Variants in LMX1B observed in about 807,000 individuals in gnomAD.
The protein encoded by LMX1B is LIM homeobox transcription factor 1 beta.
Under a neutral mutation model 51.4 loss-of-function variants are expected in LMX1B, and 12 were observed. The ratio of observed to expected loss-of-function variants is 0.23; its 90% CI spans 0.15 to 0.38. The LOEUF (loss-of-function observed/expected upper bound fraction) is 0.38, where lower values mean the gene tolerates loss of function less well. LMX1B is among the 10% of genes least tolerant of loss of function. The pLI is 1.00. For synonymous variants in LMX1B, 237 were observed against 235.4 expected, an observed-to-expected ratio of 1.01 and a Z score of -0.06; for missense variants, 445 against 571.1, an observed-to-expected ratio of 0.78 and a Z score of 2.25.
At chr9:126,684,813 G>A (rs1296476326) in intron 2 of LMX1B, among the ~76,000 whole-genome samples, 1 of 152,296 alleles carries the variant, frequency 6.6e-6, no homozygotes, top group East Asian at 1.9e-4. Context: ...TCCCAGCCCT[G>A]CAGGAGGCAT....
chr9:126,620,435 C>A (rs1054412076), intron 2 of LMX1B, among the ~76,000 whole-genome samples: 1 of 152,134 alleles, frequency 6.6e-6, no homozygotes, highest in Non-Finnish European at 1.5e-5. Context: ...TACACAGGCA[C>A]CTGGTGGAAC....
rs1231115924 is a variant in LMX1B at position 126,697,984 on chromosome 9, T to A, written c.*1533T>A. The A allele has an allele frequency of 1.3e-5, 2 of 153,160 alleles. No individual in the cohort carries two copies. Among genetic ancestry groups the A allele is most frequent in the Admixed American group, 1.3e-4 (2 of 15,296 alleles). 9.5% of individuals were successfully genotyped at this position (153,160 alleles called of 1,614,324 possible). On this transcript the variant is annotated 3_prime_UTR_variant, in exon 8 of 8. Coordinates refer to ENST00000373474, the MANE Select transcript of LMX1B (RefSeq NM_001174147.2). The stretch of plus-strand genomic sequence containing the variant: ...TCCGCCTCCCAGGTTCAAGTGATTC[T>A]GATGCCTCAGCCTCCCTAGTAGCTG...
At chr9:126,681,492 C>T (rs576026991) in intron 2 of LMX1B, among the ~76,000 whole-genome samples, 1 of 152,254 alleles carries the variant, frequency 6.6e-6, no homozygotes, top group Admixed American at 6.5e-5. Context: ...ACAAGGCTTC[C>T]CCTGCCCTCC....
chr9:126,625,132 A>C lies in LMX1B; in HGVS notation c.326+9563A>C, dbSNP rs977135942. On this transcript the variant is annotated intron_variant, in intron 2 of 7. Coordinates refer to ENST00000373474, the MANE Select transcript of LMX1B (RefSeq NM_001174147.2). This position sits in a 1 kb window ranked among gnomAD's most constrained non-coding sequence, Gnocchi z 5.3. ...CTTATTCATGTCAAGCACAGAAAAG[A>C]AGCCGAGCACCTTACAACCGTGTCC... 2.0e-5 allele frequency among the ~76,000 whole-genome samples: 3 copies of C among 152,184 alleles called. No homozygotes were observed. The highest frequency in any genetic ancestry group is 4.4e-5 in the Non-Finnish European group (3 of 68,042).
chr9:126,687,912 C>A (rs2029967394), intron 2 of LMX1B, among the ~76,000 whole-genome samples: 1 of 152,116 alleles, frequency 6.6e-6, no homozygotes, highest in African/African-American at 2.4e-5. Context: ...AGAGGGAACC[C>A]CGCTGGTATC....
chr9:126,624,026 G>A (rs1835471865), intron 2 of LMX1B, among the ~76,000 whole-genome samples: 1 of 152,230 alleles, frequency 6.6e-6, no homozygotes, highest in South Asian at 2.1e-4. Flanking sequence ...ATGAATTTCG[G>A]TGTCACCAGG....
intron 3 of LMX1B, 84 bp downstream of exon 3, chr9:126,691,152 C>T: frequency 2.0e-6 from 2 of 1,021,440 alleles, no homozygotes; most frequent in South Asian, 1.4e-5. Flanking sequence ...CTGGAGAAGC[C>T]ACCTCCTGCT....
intron 2 of LMX1B, among the ~76,000 whole-genome samples, chr9:126,679,316 G>T (rs903972480): frequency 2.0e-5 from 3 of 152,042 alleles, no homozygotes; most frequent in Non-Finnish European, 4.4e-5. Flanking sequence ...GATAGCTGGT[G>T]GAGAGGGTGG....
At chr9:126,686,165 A>G (rs903855956) in intron 2 of LMX1B, among the ~76,000 whole-genome samples, 1 of 151,706 alleles carries the variant, frequency 6.6e-6, no homozygotes, top group African/African-American at 2.4e-5. Flanking sequence ...CTATAGTCCC[A>G]GCTACTCGGG....
At chr9:126,676,656 A>T (rs1444814809) in intron 2 of LMX1B, among the ~76,000 whole-genome samples, 1 of 152,154 alleles carries the variant, frequency 6.6e-6, no homozygotes, top group East Asian at 1.9e-4. Context: ...TCCATGACCA[A>T]ACTGGGTGTA....
intron 2 of LMX1B, among the ~76,000 whole-genome samples, chr9:126,634,837 C>T (rs968273812): frequency 1.1e-4 from 16 of 152,044 alleles, no homozygotes; most frequent in African/African-American, 2.9e-4. Flanking sequence ...TTTGGAGTCA[C>T]GAAAGGGGAG....
chr9:126,653,681 A>G (rs1015084880), intron 2 of LMX1B, among the ~76,000 whole-genome samples: 2 of 152,036 alleles, frequency 1.3e-5, no homozygotes, highest in Admixed American at 1.3e-4. Context: ...TCACATGCGA[A>G]CGTTCCCGGA....
intron 2 of LMX1B, among the ~76,000 whole-genome samples, chr9:126,657,255 ACTGT>A (rs1471403557): frequency 6.6e-6 from 1 of 152,242 alleles, no homozygotes; most frequent in Non-Finnish European, 1.5e-5. Context: ...TGAACATAAG[ACTGT>A]CTGATGGTGA....
intron 2 of LMX1B, among the ~76,000 whole-genome samples, chr9:126,648,398 C>T (rs1835942459): frequency 6.6e-6 from 1 of 152,178 alleles, no homozygotes; most frequent in South Asian, 2.1e-4. Context: ...GAGAACCAGG[C>T]CAGGCTCTGT....
At chr9:126,657,598 C>T (rs558287370) in intron 2 of LMX1B, among the ~76,000 whole-genome samples, 2 of 152,334 alleles carry the variant, frequency 1.3e-5, no homozygotes, top group Admixed American at 6.5e-5. Flanking sequence ...TGGGCATCCT[C>T]ACCACAGAGC....
intron 3 of LMX1B, among the ~76,000 whole-genome samples, chr9:126,692,539 G>A (rs182054061): frequency 9.8e-5 from 15 of 152,376 alleles, no homozygotes; most frequent in Admixed American, 9.1e-4. Context: ...CTGCCCGTGA[G>A]CATGGGCCCA....
chr9:126,658,238 G>A lies in LMX1B; in HGVS notation c.327-32598G>A, dbSNP rs993654676. ...GCAGGAGGGGGGTGAGTCTACAAAG[G>A]GTACCAAATGTCAGGCTTGGGGTTT... On this transcript the variant is annotated intron_variant, in intron 2 of 7. Coordinates refer to ENST00000373474, the MANE Select transcript of LMX1B (RefSeq NM_001174147.2). The surrounding 1 kb of genome is among the most constrained non-coding windows in gnomAD (Gnocchi z 4.0). Among the ~76,000 whole-genome samples, 2 of 152,064 alleles carry A rather than the reference G, an allele frequency of 1.3e-5. No individual in the cohort carries two copies. Among genetic ancestry groups the A allele is most frequent in the Non-Finnish European group, 2.9e-5 (2 of 67,994 alleles).
chr9:126,615,782 C>G lies in LMX1B; in HGVS notation c.326+213C>G, dbSNP rs1449880315. On this transcript the variant is annotated intron_variant, in intron 2 of 7. Coordinates refer to ENST00000373474, the MANE Select transcript of LMX1B (RefSeq NM_001174147.2). This position sits in a 1 kb window ranked among gnomAD's most constrained non-coding sequence, Gnocchi z 6.0. ...GGGGTCCTGGGAGCCTCCGGACGGCCCCCAGTTGCCATCCGTTGTCCCGGA... is the reference window on the plus strand; with the variant it reads ...GGGGTCCTGGGAGCCTCCGGACGGCGCCCAGTTGCCATCCGTTGTCCCGGA... Among the ~76,000 whole-genome samples, 1 of 152,144 alleles carries G rather than the reference C, an allele frequency of 6.6e-6. No homozygotes were observed. The highest frequency in any genetic ancestry group is 1.5e-5 in the Non-Finnish European group (1 of 68,028).
At position 126,619,946 on chromosome 9, in the gene LMX1B, G is replaced by A. The variant is rs113517385; in HGVS notation, c.326+4377G>A. 7.2e-3 allele frequency among the ~76,000 whole-genome samples: 1,093 copies of A among 152,260 alleles called. 15 individuals carry two copies. The highest frequency in any genetic ancestry group is 9.4e-3 in the Non-Finnish European group (638 of 68,008). ...CGTGGCACCTACCTGATCCTCCTCT[G>A]TGAAATGGGGACTTATTCTGCTGGG... is the stretch of plus-strand genomic sequence containing the variant. On this transcript the variant is annotated intron_variant, in intron 2 of 7. Coordinates refer to ENST00000373474, the MANE Select transcript of LMX1B (RefSeq NM_001174147.2).
Sources: gnomAD v4.1 joint callset for allele counts (sites outside exome capture counted in the v4.1 genomes callset) on GRCh38, gnomAD v4.1.1 for gene constraint, Gnocchi (gnomAD v3.1) non-coding constraint, MANE v1.5 for transcripts, NCBI Gene and HGNC (gene_info 2026-07-23, HGNC 2026-07-21) for gene names.